The following CD86 variants were observed in gnomAD, a reference collection of about 807,000 sequenced individuals.
CD86 encodes T-lymphocyte activation antigen CD86.
A neutral mutation model predicts 32.1 loss-of-function variants in CD86; 11 were observed. That is an observed-to-expected ratio of 0.34 (90% CI 0.22 to 0.57). The LOEUF (loss-of-function observed/expected upper bound fraction) is 0.57, where lower values mean the gene tolerates loss of function less well. CD86 is among the 20% of genes least tolerant of loss of function. The pLI is 0.86. For synonymous variants in CD86, 137 were observed against 135.3 expected (o/e 1.01, Z -0.09); for missense variants, 359 against 398.4 (o/e 0.90, Z 0.84).
At chr3:122,082,899 CA>C (rs1284505233) in intron 1 of CD86, among the ~76,000 whole-genome samples, 1 of 152,174 alleles carries the variant, frequency 6.6e-6, no homozygotes, top group Non-Finnish European at 1.5e-5. Flanking sequence ...AATAGTGAAA[CA>C]CAGAGTCTTG....
In CD86 at chr3:122,118,049, A is replaced by C. The variant is rs766702073; in HGVS notation, c.849A>C (p.Gly283=). The C allele has an allele frequency of 3.1e-6, 5 of 1,613,030 alleles. No individual in the cohort carries two copies. The highest frequency in any genetic ancestry group is 1.7e-6 in the Non-Finnish European group (2 of 1,179,260). ...KKRPRNSYKC[G]TNTMEREESE... Reference sequence around the variant, plus strand: ...AAGATTGTTCTTGGTGTCTTTCAGGAACCAACACAATGGAGAGGGAAGAGA... The same window carrying C: ...AAGATTGTTCTTGGTGTCTTTCAGGCACCAACACAATGGAGAGGGAAGAGA... The change falls in exon 6 of 7, where the codon GGA becomes GGC. Residue 283 remains glycine, a splice_region_variant and synonymous_variant. Coordinates refer to ENST00000330540, the MANE Select transcript of CD86 (RefSeq NM_175862.5).
intron 2 of CD86, among the ~76,000 whole-genome samples, chr3:122,101,495 G>GAAAAA (rs72402574): frequency 2.4e-4 from 13 of 53,374 alleles, no homozygotes; most frequent in Admixed American, 7.7e-4. Context: ...AGGCTCTACA[G>GAAAAA]AAAAAAAAAA....
At chr3:122,094,988 G>A (rs533941056) in intron 2 of CD86, among the ~76,000 whole-genome samples, 3 of 152,266 alleles carry the variant, frequency 2.0e-5, no homozygotes, top group South Asian at 2.1e-4. Context: ...AGCCAGAGAG[G>A]TTTTTGAAAA....
At position 122,119,641 on chromosome 3, in the gene CD86, A is replaced by G; in HGVS notation, c.*107A>G. 1 of 692,854 alleles carries G rather than the reference A, an allele frequency of 1.4e-6. No homozygotes were observed. Among genetic ancestry groups the G allele is most frequent in the Non-Finnish European group, 2.6e-6 (1 of 391,328 alleles). 42.9% of individuals were successfully genotyped at this position (692,854 alleles called of 1,614,324 possible). ...CAGAAGGCAAAAAGACATTACCATGAGTAATAAGGGGGCTCCAGGACTCCC... is the reference window on the plus strand; with the variant it reads ...CAGAAGGCAAAAAGACATTACCATGGGTAATAAGGGGGCTCCAGGACTCCC... On this transcript the variant is annotated 3_prime_UTR_variant, in exon 7 of 7. Coordinates refer to ENST00000330540, the MANE Select transcript of CD86 (RefSeq NM_175862.5).
intron 1 of CD86, among the ~76,000 whole-genome samples, chr3:122,081,732 A>G (rs187060181): frequency 1.4e-4 from 21 of 152,346 alleles, no homozygotes; most frequent in African/African-American, 4.6e-4. Flanking sequence ...GTGGAACTTC[A>G]TCTGCTATAA....
At chr3:122,086,656 G>T in intron 1 of CD86, 1 of 459,724 alleles carries the variant, frequency 2.2e-6, no homozygotes, top group South Asian at 1.5e-5. Flanking sequence ...GGCACACAGT[G>T]GGTATTCGAG....
chr3:122,071,740 T>C (rs2072491474), intron 1 of CD86, among the ~76,000 whole-genome samples: 2 of 151,172 alleles, frequency 1.3e-5, no homozygotes, highest in Admixed American at 1.3e-4. Flanking sequence ...TTTTTTTTTA[T>C]TATACTTTAA....
rs1369891870 is a variant in CD86, at chr3:122,084,838, C to A, written c.15-6763C>A. On this transcript the variant is annotated intron_variant, in intron 1 of 6. Transcript: ENST00000330540. Reference sequence around the variant, plus strand: ...AGCCCAGATTCAAAGAGAGGAGATCCAACTCTACCTCTTCATGGGAGGAGG... The same window carrying A: ...AGCCCAGATTCAAAGAGAGGAGATCAAACTCTACCTCTTCATGGGAGGAGG... Among the ~76,000 whole-genome samples, 3 of 152,126 alleles carry A rather than the reference C, an allele frequency of 2.0e-5. No homozygotes were observed. The East Asian group carries it at 5.8e-4, about 29-fold the overall frequency.
chr3:122,119,608 A>T lies in CD86; in HGVS notation c.*74A>T, dbSNP rs926669317. 2 of 948,406 alleles carry T rather than the reference A, an allele frequency of 2.1e-6. No homozygotes were observed. Among genetic ancestry groups the T allele is most frequent in the South Asian group, 2.9e-5 (2 of 70,156 alleles). The allele number at this position is 948,406 out of a possible 1,614,324, so 58.7% of individuals were successfully genotyped here. A position where few individuals can be genotyped will look rare whatever the true frequency, so the allele number is the denominator to read the frequency against. On this transcript the variant is annotated 3_prime_UTR_variant, in exon 7 of 7. Coordinates refer to ENST00000330540, the MANE Select transcript of CD86 (RefSeq NM_175862.5). ...TGTAAGTTCCTGGGCAACCTTTTTG[A>T]TTTCTTCCAGAAGGCAAAAAGACAT...
rs535914908 is a variant in CD86 at position 122,078,684 on chromosome 3, C to T, written c.15-12917C>T. Among the ~76,000 whole-genome samples the T allele has an allele frequency of 2.0e-5, 3 of 152,316 alleles. 1 individual carries two copies. In the South Asian group the frequency reaches 6.2e-4, roughly 32 times the overall value. ...GATTGAACATAATGTGTTTCACATA[C>T]GGTGAACCTATTTGCATTTGCATTT... On this transcript the variant is annotated intron_variant, in intron 1 of 6. Coordinates refer to ENST00000330540, the MANE Select transcript of CD86 (RefSeq NM_175862.5).
chr3:122,067,047 G>A (rs888510486), intron 1 of CD86, among the ~76,000 whole-genome samples: 1 of 152,002 alleles, frequency 6.6e-6, no homozygotes, highest in African/African-American at 2.4e-5. Flanking sequence ...AAGGCAAAAC[G>A]TTTTCAAAGG....
At chr3:122,058,270 C>A (rs1320207324) in intron 1 of CD86, among the ~76,000 whole-genome samples, 1 of 152,124 alleles carries the variant, frequency 6.6e-6, no homozygotes, top group Non-Finnish European at 1.5e-5. Flanking sequence ...GGCAGGACAA[C>A]CCCAAGTTGT....
intron 1 of CD86, among the ~76,000 whole-genome samples, chr3:122,079,693 A>G (rs2072603981): frequency 6.6e-6 from 1 of 152,104 alleles, no homozygotes; most frequent in Non-Finnish European, 1.5e-5. Context: ...CGAACTGTAC[A>G]TTGGCTTACA....
chr3:122,081,359 G>A (rs1041087581), intron 1 of CD86, among the ~76,000 whole-genome samples: 1 of 152,164 alleles, frequency 6.6e-6, no homozygotes, highest in African/African-American at 2.4e-5. Flanking sequence ...GGTTATACTT[G>A]ATGTTATGTG....
rs1486155693 is a variant in CD86 at position 122,059,603 on chromosome 3, G to A, written c.14+4100G>A. Reference sequence around the variant, plus strand: ...GCAAGAAAGAGGAGAATGCATTCATGGAAAGAGCATATTTACCAAGCTTTC... The same window carrying A: ...GCAAGAAAGAGGAGAATGCATTCATAGAAAGAGCATATTTACCAAGCTTTC... On this transcript the variant is annotated intron_variant, in intron 1 of 6. Transcript: ENST00000330540. Among the ~76,000 whole-genome samples, 3 of 151,984 alleles carry A rather than the reference G, an allele frequency of 2.0e-5. No individual in the cohort carries two copies. In the East Asian group the frequency reaches 5.8e-4, roughly 29 times the overall value.
At chr3:122,085,597 G>A (rs2072703635) in intron 1 of CD86, among the ~76,000 whole-genome samples, 1 of 152,224 alleles carries the variant, frequency 6.6e-6, no homozygotes, top group Admixed American at 6.5e-5. Context: ...GGCAGAAAAG[G>A]AAGGAACTAA....
intron 1 of CD86, among the ~76,000 whole-genome samples, chr3:122,075,458 C>G (rs534758672): frequency 6.6e-6 from 1 of 152,164 alleles, no homozygotes; most frequent in East Asian, 1.9e-4. Flanking sequence ...GTAGCTGGTA[C>G]TTATGGATTG....
rs1370358798 is a variant in CD86, at chr3:122,118,111, G to A, written c.893+18G>A. 3 of 1,468,840 alleles carry A rather than the reference G, an allele frequency of 2.0e-6. No individual in the cohort carries two copies. The highest frequency in any genetic ancestry group is 2.7e-5 in the African/African-American group (1 of 36,546). 91.0% of individuals were successfully genotyped at this position (1,468,840 alleles called of 1,614,324 possible). On this transcript the variant is annotated intron_variant, in intron 6 of 6. Coordinates refer to ENST00000330540, the MANE Select transcript of CD86 (RefSeq NM_175862.5). ...AAGAAAAGGTAAATCCTGACCCTGA[G>A]ACATTGATGAGAGAGAGGTATAATC...
At chr3:122,112,918 T>G (rs954206970) in intron 5 of CD86, among the ~76,000 whole-genome samples, 1 of 152,198 alleles carries the variant, frequency 6.6e-6, no homozygotes, top group Non-Finnish European at 1.5e-5. Flanking sequence ...GATAAGTTAT[T>G]TAGTGGTGAT....
Sources: gnomAD v4.1 joint callset for allele counts (sites outside exome capture counted in the v4.1 genomes callset) on GRCh38, gnomAD v4.1.1 for gene constraint, MANE v1.5 for transcripts, NCBI Gene and HGNC (gene_info 2026-07-23, HGNC 2026-07-21) for gene names.